ANGPT1: variants seen among roughly 807,000 people sequenced by gnomAD.
The protein encoded by ANGPT1 is angiopoietin-1.
A neutral mutation model predicts 62.2 loss-of-function variants in ANGPT1; 17 were observed. The observed-to-expected ratio is 0.27, with a 90% CI of 0.19 to 0.41. The LOEUF (loss-of-function observed/expected upper bound fraction) is 0.41. Ranked by LOEUF, ANGPT1 falls within the 10% of genes least tolerant of loss-of-function variation. ANGPT1 has a pLI of 1.00. For missense variants in ANGPT1, 478 were observed against 594.9 expected (o/e 0.80, Z 2.04); for synonymous variants, 199 against 198.9 (o/e 1.00, Z 0.00).
intron 1 of ANGPT1, among the ~76,000 whole-genome samples, chr8:107,416,217 C>T (rs989322021): frequency 2.6e-5 from 4 of 152,148 alleles, no homozygotes; most frequent in African/African-American, 4.8e-5. Context: ...AGACACCAAT[C>T]GCAAGTTAGG....
intron 4 of ANGPT1, among the ~76,000 whole-genome samples, chr8:107,310,063 C>G (rs1814812698): frequency 6.6e-6 from 1 of 151,976 alleles, no homozygotes. Context: ...CTTCTTTGCT[C>G]TCATTTAAAT....
intron 5 of ANGPT1, among the ~76,000 whole-genome samples, chr8:107,299,825 ATGTAGTTATAT>A (rs1422167376): frequency 2.9e-4 from 26 of 90,432 alleles, no homozygotes; most frequent in African/African-American, 5.1e-4. Context: ...ATATCTAGAT[ATGTAGTTATAT>A]CTAGATATAC....
intron 4 of ANGPT1, among the ~76,000 whole-genome samples, chr8:107,312,135 T>C (rs1814886217): frequency 6.6e-6 from 1 of 152,202 alleles, no homozygotes; most frequent in Non-Finnish European, 1.5e-5. Context: ...CACACCATCT[T>C]TGTTTAATCA....
chr8:107,268,180 T>C (rs1170065441), intron 7 of ANGPT1, among the ~76,000 whole-genome samples: 13 of 152,240 alleles, frequency 8.5e-5, no homozygotes, highest in Admixed American at 3.9e-4. Context: ...TCAATGTTCA[T>C]TGACTAGATG....
intron 1 of ANGPT1, among the ~76,000 whole-genome samples, chr8:107,441,743 C>G (rs1484080449): frequency 6.6e-6 from 1 of 152,056 alleles, no homozygotes; most frequent in Non-Finnish European, 1.5e-5. Context: ...CCTGGTGTGG[C>G]TCTTATCTAA....
At chr8:107,365,420 A>ACGT in intron 1 of ANGPT1, among the ~76,000 whole-genome samples, 1 of 152,250 alleles carries the variant, frequency 6.6e-6, no homozygotes, top group South Asian at 2.1e-4. Flanking sequence ...ATAACTAAAA[A>ACGT]CGTCCTTGTG....
chr8:107,333,986 G>A (rs1331664693), intron 3 of ANGPT1, among the ~76,000 whole-genome samples: 3 of 85,380 alleles, frequency 3.5e-5, no homozygotes, highest in African/African-American at 1.4e-4. Context: ...GGGAGGGAGG[G>A]AGGGAGGGAG....
chr8:107,401,303 C>T lies in ANGPT1; in HGVS notation c.298-54206G>A, dbSNP rs141773432. On this transcript the variant is annotated intron_variant, in intron 1 of 8. Coordinates refer to ENST00000517746, the MANE Select transcript of ANGPT1 (RefSeq NM_001146.5). ...AAAAAACTGTGGACTATTTCATTTC[C>T]GCTTCTTGTCATTAATTATATTTTT... Among the ~76,000 whole-genome samples, 627 of 151,770 alleles carry T rather than the reference C, an allele frequency of 4.1e-3. 3 individuals are homozygous for T. Among genetic ancestry groups the T allele is most frequent in the African/African-American group, 0.015 (608 of 41,460 alleles).
chr8:107,353,930 T>G (rs1049514383), intron 1 of ANGPT1, among the ~76,000 whole-genome samples: 1 of 152,250 alleles, frequency 6.6e-6, no homozygotes, highest in Non-Finnish European at 1.5e-5. Flanking sequence ...TGTGAGTGGA[T>G]GTTTGTTACT....
At position 107,454,499 on chromosome 8, in the gene ANGPT1, T is replaced by A. The variant is rs895458833; in HGVS notation, c.297+42763A>T. 9.9e-5 allele frequency among the ~76,000 whole-genome samples: 15 copies of A among 152,126 alleles called. 1 individual carries two copies. Among genetic ancestry groups the A allele is most frequent in the Admixed American group, 9.8e-4 (15 of 15,238 alleles). The stretch of plus-strand genomic sequence containing the variant: ...GCAACTTGATGCAAATCTGTAACTT[T>A]ATTTTTTTAGTCATTAGAGTAGTGT... On this transcript the variant is annotated intron_variant, in intron 1 of 8. Coordinates refer to ENST00000517746, the MANE Select transcript of ANGPT1 (RefSeq NM_001146.5).
chr8:107,303,189 A>G, intron 5 of ANGPT1, 51 bp downstream of exon 5: 2 of 1,592,998 alleles, frequency 1.3e-6, no homozygotes, highest in African/African-American at 1.4e-5. Context: ...TTATCCAGCA[A>G]TTCAACTGGG....
chr8:107,402,905 G>A lies in ANGPT1; in HGVS notation c.298-55808C>T, dbSNP rs140034704. On this transcript the variant is annotated intron_variant, in intron 1 of 8. Coordinates refer to ENST00000517746, the MANE Select transcript of ANGPT1 (RefSeq NM_001146.5). ...GAAAACATTTGGAGAAATTGATAAC[G>A]TTGTACATTTAGTACATTTAGTAAT... Among the ~76,000 whole-genome samples, 16 of 152,214 alleles carry A rather than the reference G, an allele frequency of 1.1e-4. No individual in the cohort carries two copies. The East Asian group carries it at 2.3e-3, about 22-fold the overall frequency.
intron 4 of ANGPT1, among the ~76,000 whole-genome samples, chr8:107,318,638 T>A (rs1442375917): frequency 6.6e-6 from 1 of 152,168 alleles, no homozygotes; most frequent in Admixed American, 6.6e-5. Flanking sequence ...AAGAAATTAA[T>A]TCATTTACTT....
chr8:107,350,736 G>C (rs1398203196), intron 1 of ANGPT1, among the ~76,000 whole-genome samples: 1 of 152,058 alleles, frequency 6.6e-6, no homozygotes, highest in Non-Finnish European at 1.5e-5. Context: ...GCTTTCTCCA[G>C]GAGTAACTGC....
At chr8:107,310,955 A>ATGTG (rs35460809) in intron 4 of ANGPT1, among the ~76,000 whole-genome samples, 234 of 147,430 alleles carry the variant, frequency 1.6e-3, no homozygotes, top group African/African-American at 5.5e-3. Context: ...GTGTGTATGT[A>ATGTG]TGTGTGTGTG....
chr8:107,486,256 A>G (rs1240630119), intron 1 of ANGPT1, among the ~76,000 whole-genome samples: 1 of 152,142 alleles, frequency 6.6e-6, no homozygotes, highest in Admixed American at 6.6e-5. Flanking sequence ...GCTGCAGCTA[A>G]TCTCATATTT....
At chr8:107,460,512 T>C (rs1339762809) in intron 1 of ANGPT1, among the ~76,000 whole-genome samples, 2 of 152,184 alleles carry the variant, frequency 1.3e-5, no homozygotes, top group African/African-American at 2.4e-5. Context: ...TGCTTTGCTA[T>C]TGCATGAATG....
intron 2 of ANGPT1, among the ~76,000 whole-genome samples, chr8:107,336,719 A>C (rs2130122745): frequency 6.6e-6 from 1 of 151,542 alleles, no homozygotes; most frequent in African/African-American, 2.4e-5. Flanking sequence ...TCTACCAACT[A>C]ATGTTTTACA....
At chr8:107,360,821 C>T (rs188915212) in intron 1 of ANGPT1, among the ~76,000 whole-genome samples, 1 of 152,182 alleles carries the variant, frequency 6.6e-6, no homozygotes, top group Non-Finnish European at 1.5e-5. Context: ...CCCCTCACCA[C>T]TCTCACGCTT....
Sources: gnomAD v4.1 joint callset for allele counts (sites outside exome capture counted in the v4.1 genomes callset) on GRCh38, gnomAD v4.1.1 for gene constraint, MANE v1.5 for transcripts, NCBI Gene and HGNC (gene_info 2026-07-23, HGNC 2026-07-21) for gene names.